C8B: variants seen among roughly 807,000 people sequenced by gnomAD.
C8B encodes the protein complement component C8 beta chain.
Under a neutral mutation model 64.6 loss-of-function variants are expected in C8B, and 67 were observed. The observed-to-expected ratio is 1.04, with a 90% CI of 0.85 to 1.27. The LOEUF is 1.27. Ranked by LOEUF, C8B falls within the 50% of genes most tolerant of loss-of-function variation. The probability of loss-of-function intolerance (pLI) is 0.00; values close to 1 mark genes in which losing one functional copy is unlikely to be tolerated. For synonymous variants in C8B, 284 were observed against 257.7 expected, an observed-to-expected ratio of 1.10 and a Z score of -0.98; for missense variants, 790 against 725.2, an observed-to-expected ratio of 1.09 and a Z score of -1.03.
Position 56,940,869 on chromosome 1 carries a change from G to C in C8B, c.1378C>G (p.Pro460Ala), listed in dbSNP as rs767849182. Residue 460 changes from proline to alanine, a missense_variant, in exon 9 of 12, where the codon CCA becomes GCA. Transcript: ENST00000371237. ...QEWGDAVQYN[P>A]AIIKVKVEPL... ...TGTACCTTAACTTTGATGATGGCTG[G>C]GTTGTACTGCACAGCGTCTCCCCAC... 6.2e-7 allele frequency: 1 copy of C among 1,613,912 alleles called. No homozygotes were observed. The highest frequency in any genetic ancestry group is 1.1e-5 in the South Asian group (1 of 91,070).
At chr1:56,962,206 A>C (rs1366715726) in intron 1 of C8B, among the ~76,000 whole-genome samples, 1 of 152,250 alleles carries the variant, frequency 6.6e-6, no homozygotes, top group Non-Finnish European at 1.5e-5. Context: ...TTACGGAAAG[A>C]ACTTGGTAAA....
At chr1:56,932,568 C>G (rs774468732) in intron 10 of C8B, among the ~76,000 whole-genome samples, 13 of 152,170 alleles carry the variant, frequency 8.5e-5, no homozygotes, top group Non-Finnish European at 1.8e-4. Context: ...TGCTGCAGAA[C>G]TAACCCTCAC....
intron 1 of C8B, 67 bp from the exon 2 acceptor site, chr1:56,960,243 A>G (rs1645159165): frequency 1.4e-6 from 2 of 1,393,742 alleles, no homozygotes; most frequent in Non-Finnish European, 2.0e-6. Context: ...CCAACCATCT[A>G]TTTGTACATT....
At position 56,952,074 on chromosome 1, in the gene C8B, A is replaced by T. The variant is rs904564646; in HGVS notation, c.640T>A (p.Tyr214Asn). ...TGTGGCGTGTAGCTTTCCACATTGT[A>T]GGGCTTCCTAAACCTCGTGTTCAGG... ...YILNTRFRKP[Y>N]NVESYTPQTQ... Residue 214 changes from tyrosine (Y) to asparagine (N), a missense_variant, in exon 5 of 12, where the codon TAC becomes AAC. Transcript: ENST00000371237. 5.0e-6 allele frequency: 8 copies of T among 1,614,080 alleles called. No homozygotes were observed. The highest frequency in any genetic ancestry group is 6.8e-6 in the Non-Finnish European group (8 of 1,179,994).
At chr1:56,950,869 T>G (rs1310009648) in intron 5 of C8B, among the ~76,000 whole-genome samples, 1 of 152,186 alleles carries the variant, frequency 6.6e-6, no homozygotes, top group Non-Finnish European at 1.5e-5. Flanking sequence ...GAGTTTACCA[T>G]GTATGTCCTG....
intron 11 of C8B, 34 bp downstream of exon 11, chr1:56,931,776 G>C: frequency 6.9e-7 from 1 of 1,446,760 alleles, no homozygotes; most frequent in Non-Finnish European, 9.7e-7. Flanking sequence ...TTATTCTCTG[G>C]ACCTCCCCAG....
At chr1:56,964,310 C>G (rs1356179289) in intron 1 of C8B, among the ~76,000 whole-genome samples, 1 of 152,128 alleles carries the variant, frequency 6.6e-6, no homozygotes, top group Non-Finnish European at 1.5e-5. Context: ...CTTCCCAATG[C>G]ATTGTGGTGA....
intron 9 of C8B, among the ~76,000 whole-genome samples, chr1:56,936,848 C>T (rs566440445): frequency 5.5e-4 from 84 of 152,270 alleles, no homozygotes; most frequent in African/African-American, 1.8e-3. Flanking sequence ...CCACCTTGGC[C>T]TCTCACAGTG....
chr1:56,954,686 C>T lies in C8B; in HGVS notation c.533G>A (p.Gly178Glu). The change falls in exon 4 of 12, where the codon GGG becomes GAG. Residue 178 changes from glycine to glutamate, a missense_variant and splice_region_variant. Physicochemically the swap from Gly to Glu is moderately conservative, Grantham distance 98. Transcript: ENST00000371237. ...ACGCCACAGAAAAATGGTCACTTAC[C>T]CACTGGCCAGACTGCCAATTCCCCA... ...QYWGIGSLAS[G>E]INLFTNSFEG... The T allele has an allele frequency of 1.2e-6, 2 of 1,614,172 alleles. No homozygotes were observed. Among genetic ancestry groups the T allele is most frequent in the Non-Finnish European group, 1.7e-6 (2 of 1,179,992 alleles).
intron 9 of C8B, among the ~76,000 whole-genome samples, chr1:56,935,506 A>G (rs1337196873): frequency 1.3e-5 from 2 of 152,118 alleles, no homozygotes; most frequent in African/African-American, 4.8e-5. Flanking sequence ...TTCTTTTATC[A>G]TATTGCTGCA....
At chr1:56,943,092 A>C (rs1405094635) in intron 8 of C8B, among the ~76,000 whole-genome samples, 1 of 151,738 alleles carries the variant, frequency 6.6e-6, no homozygotes, top group African/African-American at 2.4e-5. Context: ...AAAAATAAAA[A>C]ATAAAAAATA....
rs369993264 is a variant in C8B at position 56,949,694 on chromosome 1, C to T, written c.725G>A (p.Arg242His). Residue 242 changes from arginine to histidine, a missense_variant, in exon 6 of 12, where the codon CGC (arginine) becomes CAC (histidine). Transcript: ENST00000371237. Reference protein sequence around the residue: ...KEYESYSDFERNVTEKMASKS... With the variant: ...KEYESYSDFEHNVTEKMASKS... The stretch of plus-strand genomic sequence containing the variant: ...GCTTGCCATTTTCTCTGTGACATTG[C>T]GTTCAAAATCTGAGTATGATTCATA... 44 of 1,613,712 alleles carry T rather than the reference C, an allele frequency of 2.7e-5. No homozygotes were observed. The highest frequency in any genetic ancestry group is 8.9e-5 in the East Asian group (4 of 44,850).
chr1:56,951,238 C>T (rs949050818), intron 5 of C8B, among the ~76,000 whole-genome samples: 15 of 152,098 alleles, frequency 9.9e-5, no homozygotes, highest in Admixed American at 7.9e-4. Context: ...CCACCACACC[C>T]GGCTAGAAAA....
chr1:56,956,651 G>T, intron 3 of C8B, 118 bp downstream of exon 3: 3 of 1,017,516 alleles, frequency 2.9e-6, no homozygotes, highest in Non-Finnish European at 4.6e-6. Context: ...GGACAAGGAG[G>T]CCTCCTGAGC....
chr1:56,954,219 G>A (rs1004680022), intron 4 of C8B, among the ~76,000 whole-genome samples: 2 of 152,170 alleles, frequency 1.3e-5, no homozygotes, highest in Non-Finnish European at 2.9e-5. Context: ...AAAAGCCCTG[G>A]AAATCCATCC....
intron 7 of C8B, among the ~76,000 whole-genome samples, chr1:56,944,925 T>C (rs896024748): frequency 6.6e-6 from 1 of 152,156 alleles, no homozygotes; most frequent in Non-Finnish European, 1.5e-5. Flanking sequence ...GGATATTGGG[T>C]TGGAAAGCAG....
intron 4 of C8B, among the ~76,000 whole-genome samples, chr1:56,953,335 A>T (rs1388546460): frequency 6.6e-6 from 1 of 152,230 alleles, no homozygotes; most frequent in Admixed American, 6.5e-5. Flanking sequence ...AATAATGTAT[A>T]CATATTTATT....
In C8B at chr1:56,952,122, C is replaced by T. The variant is rs1430755210; in HGVS notation, c.592G>A (p.Gly198Ser). 2 of 1,614,064 alleles carry T rather than the reference C, an allele frequency of 1.2e-6. No homozygotes were observed. The highest frequency in any genetic ancestry group is 1.3e-5 in the African/African-American group (1 of 74,922). Residue 198 changes from glycine to serine, a missense_variant, in exon 5 of 12, where the codon GGT becomes AGT. Physicochemically the swap from Gly to Ser is moderately conservative, Grantham distance 56 (BLOSUM62 0). Coordinates refer to ENST00000371237, the MANE Select transcript of C8B (RefSeq NM_000066.4). ...AGGATGTAATGCGGGGAGCATCCAC[C>T]TGCATAATACCTGTGATCAAGAACT... ...GPVLDHRYYA[G>S]GCSPHYILNT... is the part of the protein sequence containing the mutation.
intron 2 of C8B, among the ~76,000 whole-genome samples, chr1:56,958,133 CA>C (rs1229582403): frequency 8.5e-5 from 13 of 152,068 alleles, no homozygotes; most frequent in African/African-American, 3.1e-4. Context: ...TAGACAAGAG[CA>C]GATAACACAG....
Sources: gnomAD v4.1 joint callset for allele counts (sites outside exome capture counted in the v4.1 genomes callset) on GRCh38, gnomAD v4.1.1 for gene constraint, MANE v1.5 for transcripts, NCBI Gene and HGNC (gene_info 2026-07-23, HGNC 2026-07-21) for gene names.